Variants in USP34 observed in about 807,000 individuals in gnomAD.
The protein encoded by USP34 is ubiquitin specific peptidase 34.
In USP34, 70 loss-of-function variants were observed where a neutral mutation model predicts 460.3. The observed-to-expected ratio is 0.15, with a 90% CI of 0.13 to 0.19. USP34 has a LOEUF of 0.19. Ranked by LOEUF, USP34 falls within the 10% of genes least tolerant of loss-of-function variation. The pLI is 1.00. For missense variants in USP34, 3,985 were observed against 4,236.2 expected (o/e 0.94, Z 1.65); for synonymous variants, 1,647 against 1,405.3 (o/e 1.17, Z -3.85).
chr2:61,320,018 T>C (rs1164128639), intron 21 of USP34, among the ~76,000 whole-genome samples: 1 of 152,170 alleles, frequency 6.6e-6, no homozygotes, highest in Admixed American at 6.5e-5. Flanking sequence ...AATCAAGGAC[T>C]AAATGGTTAC....
At chr2:61,224,079 T>C (rs943826687) in intron 62 of USP34, among the ~76,000 whole-genome samples, 3 of 152,214 alleles carry the variant, frequency 2.0e-5, no homozygotes, top group Admixed American at 1.3e-4. Context: ...AATGAATAAT[T>C]CCGCACTGTC....
chr2:61,439,772 G>A (rs922490762), intron 1 of USP34, among the ~76,000 whole-genome samples: 3 of 152,208 alleles, frequency 2.0e-5, no homozygotes, highest in Non-Finnish European at 4.4e-5. Context: ...TGGGCAAAGG[G>A]TGGGCCTGGA....
intron 15 of USP34, among the ~76,000 whole-genome samples, chr2:61,344,936 AG>A (rs1451054190): frequency 6.6e-6 from 1 of 152,170 alleles, no homozygotes; most frequent in Non-Finnish European, 1.5e-5. Flanking sequence ...TGCAATGCAC[AG>A]GGCAACATTA....
intron 23 of USP34, among the ~76,000 whole-genome samples, chr2:61,316,415 A>T (rs928575659): frequency 2.7e-5 from 4 of 147,782 alleles, no homozygotes; most frequent in Non-Finnish European, 6.0e-5. Context: ...TGAAAACCCA[A>T]CTCTACTAAA....
chr2:61,304,944 T>C (rs565431312), intron 27 of USP34, among the ~76,000 whole-genome samples: 2 of 152,264 alleles, frequency 1.3e-5, no homozygotes, highest in Admixed American at 1.3e-4. Context: ...CAAAATGAAA[T>C]CTCAAAAAAC....
At chr2:61,432,300 C>T (rs935264721) in intron 1 of USP34, among the ~76,000 whole-genome samples, 3 of 152,062 alleles carry the variant, frequency 2.0e-5, no homozygotes, top group Non-Finnish European at 1.5e-5. Context: ...ATGGCAAAAC[C>T]CCATCTCTAC....
At chr2:61,366,089 C>T (rs1195835211) in intron 10 of USP34, among the ~76,000 whole-genome samples, 1 of 152,198 alleles carries the variant, frequency 6.6e-6, no homozygotes, top group Non-Finnish European at 1.5e-5. Flanking sequence ...CCATGCCTGG[C>T]TAATTTTTGT....
chr2:61,441,137 A>C (rs1694953383), intron 1 of USP34, among the ~76,000 whole-genome samples: 1 of 151,440 alleles, frequency 6.6e-6, no homozygotes, highest in Admixed American at 6.6e-5. Flanking sequence ...AAAAAAAAAA[A>C]AAAATTTTTT....
intron 5 of USP34, among the ~76,000 whole-genome samples, chr2:61,394,436 C>T (rs534720120): frequency 5.0e-4 from 76 of 151,102 alleles, no homozygotes; most frequent in Non-Finnish European, 9.1e-4. Context: ...TGGTGCACAC[C>T]TCTAGTCCCA....
chr2:61,197,129 C>A (rs776643543), intron 75 of USP34, among the ~76,000 whole-genome samples: 2 of 151,694 alleles, frequency 1.3e-5, no homozygotes, highest in East Asian at 3.9e-4. Context: ...AAATAAAATA[C>A]AAGAATTAGT....
At chr2:61,294,037 C>T (rs1386037689) in intron 32 of USP34, among the ~76,000 whole-genome samples, 2 of 151,314 alleles carry the variant, frequency 1.3e-5, no homozygotes, top group African/African-American at 4.9e-5. Flanking sequence ...ATAAAACAAA[C>T]AAGAATTTAA....
intron 34 of USP34, among the ~76,000 whole-genome samples, chr2:61,286,611 C>T (rs1005614453): frequency 8.6e-5 from 13 of 151,930 alleles, no homozygotes; most frequent in African/African-American, 2.2e-4. Context: ...GCCGAGATGG[C>T]GCCAGTGCAC....
At chr2:61,415,243 C>G (rs912612836) in intron 2 of USP34, among the ~76,000 whole-genome samples, 1 of 151,988 alleles carries the variant, frequency 6.6e-6, no homozygotes, top group African/African-American at 2.4e-5. Flanking sequence ...GTAATCAATA[C>G]TCTAGGGTTA....
At chr2:61,247,336 G>T (rs1370919382) in intron 49 of USP34, among the ~76,000 whole-genome samples, 1 of 152,194 alleles carries the variant, frequency 6.6e-6, no homozygotes, top group Admixed American at 6.5e-5. Flanking sequence ...AGAAGGGTAT[G>T]ACTCAAGGTG....
Position 61,469,970 on chromosome 2 carries a change from G to C in USP34, c.43+680C>G, listed in dbSNP as rs560659577. ...AGAGAGATAGGCCATAACTATCCCG[G>C]GATGGTATGTGTAGTACAGTGCTCT... On this transcript the variant is annotated intron_variant, in intron 1 of 79. Coordinates refer to ENST00000398571, the MANE Select transcript of USP34 (RefSeq NM_014709.4). Among the ~76,000 whole-genome samples the C allele has an allele frequency of 5.9e-5, 9 of 152,272 alleles. No homozygotes were observed. The South Asian group carries it at 1.9e-3, about 32-fold the overall frequency.
chr2:61,400,101 G>A (rs1693668394), intron 3 of USP34, among the ~76,000 whole-genome samples: 1 of 134,330 alleles, frequency 7.4e-6, no homozygotes, highest in Admixed American at 8.5e-5. Context: ...TAACTATACA[G>A]GAAAGGCAAT....
At chr2:61,268,126 G>A (rs78732940) in intron 41 of USP34, among the ~76,000 whole-genome samples, 4,596 of 152,196 alleles carry the variant, frequency 0.03, 235 homozygotes, top group African/African-American at 0.11. Context: ...AACCTACACA[G>A]ACTATGACCT....
intron 1 of USP34, among the ~76,000 whole-genome samples, chr2:61,453,230 G>A (rs1368005534): frequency 6.6e-6 from 1 of 152,020 alleles, no homozygotes; most frequent in Non-Finnish European, 1.5e-5. Context: ...GGGCAACATG[G>A]TGAAACCCCA....
In USP34 at chr2:61,314,720, T is replaced by C; in HGVS notation, c.3407A>G (p.Gln1136Arg). The C allele has an allele frequency of 1.9e-6, 3 of 1,585,108 alleles. No individual in the cohort carries two copies. The highest frequency in any genetic ancestry group is 2.6e-6 in the Non-Finnish European group (3 of 1,170,154). ...CTCCATGCACTTACTAATAAATTCTTGCTCCTTCTCCAAACCTGTTTTACC... is the reference window on the plus strand; with the variant it reads ...CTCCATGCACTTACTAATAAATTCTCGCTCCTTCTCCAAACCTGTTTTACC... ...INGKTGLEKE[Q>R]EFISKCMESL... The change falls in exon 25 of 80, where the codon CAA becomes CGA. Residue 1136 changes from glutamine to arginine, a missense_variant. By Grantham distance (43) the Gln-to-Arg change is conservative (BLOSUM62 1). Transcript: ENST00000398571.
Sources: gnomAD v4.1 joint callset for allele counts (sites outside exome capture counted in the v4.1 genomes callset) on GRCh38, gnomAD v4.1.1 for gene constraint, MANE v1.5 for transcripts, NCBI Gene and HGNC (gene_info 2026-07-23, HGNC 2026-07-21) for gene names.